Variants in TUSC3 observed in about 807,000 individuals in gnomAD.
The protein encoded by TUSC3 is tumor suppressor candidate 3.
TUSC3 carries 45 observed loss-of-function variants against 44.8 expected under a neutral mutation model. The ratio of observed to expected loss-of-function variants is 1.00; its 90% CI spans 0.79 to 1.29. The LOEUF (loss-of-function observed/expected upper bound fraction) is 1.29. Among genes scored for constraint, TUSC3 ranks in the 50% most tolerant of loss-of-function variants. The probability of loss-of-function intolerance (pLI) is 0.00; values close to 1 mark genes in which losing one functional copy is unlikely to be tolerated. For missense variants in TUSC3, 519 were observed against 437.9 expected (o/e 1.19, Z -1.65); for synonymous variants, 212 against 152.9 (o/e 1.39, Z -2.85).
chr8:15,460,969 C>G (rs979659599), intron 1 of TUSC3, among the ~76,000 whole-genome samples: 1 of 152,108 alleles, frequency 6.6e-6, no homozygotes, highest in African/African-American at 2.4e-5. Context: ...TGTGATGCCT[C>G]CAGATTTATT....
rs779340086 is a variant in TUSC3 at position 15,596,618 on chromosome 8, CTAT to C, written c.139-26455_139-26453del. On this transcript the variant is annotated intron_variant, in intron 1 of 10. Coordinates refer to ENST00000503731, the MANE Select transcript of TUSC3 (RefSeq NM_006765.4). ...TAAGTTGTAACCTTAATTTTTAACACTATTATTATGTTAATGTCTTCGTATATT... is the reference window on the plus strand; with the variant it reads ...TAAGTTGTAACCTTAATTTTTAACACTATTATGTTAATGTCTTCGTATATT... 1.5e-3 allele frequency among the ~76,000 whole-genome samples: 230 copies of C among 152,156 alleles called. 1 individual carries two copies. The highest frequency in any genetic ancestry group is 1.2e-3 in the Non-Finnish European group (83 of 68,018).
At chr8:15,510,774 A>T (rs929267096) in intron 2 of TUSC3, among the ~76,000 whole-genome samples, 2 of 62,274 alleles carry the variant, frequency 3.2e-5, no homozygotes, top group East Asian at 3.1e-4. Context: ...GATACTATTT[A>T]AAAAAAAACA....
intron 6 of TUSC3, among the ~76,000 whole-genome samples, chr8:15,716,813 C>T (rs902298751): frequency 6.6e-6 from 1 of 151,948 alleles, no homozygotes; most frequent in Non-Finnish European, 1.5e-5. Context: ...TTTAAATCAT[C>T]ACTTTTTCTC....
chr8:15,850,151 C>G, the TUSC3 span, among the ~76,000 whole-genome samples: 1 of 148,456 alleles, frequency 6.7e-6, no homozygotes, highest in South Asian at 2.2e-4. Flanking sequence ...CAAACATTAA[C>G]TCTCTGAAAT....
At chr8:15,843,602 A>AG in the TUSC3 span, among the ~76,000 whole-genome samples, 2,334 of 144,210 alleles carry the variant, frequency 0.016, 116 homozygotes, top group African/African-American at 0.057. Context: ...ACATATATAT[A>AG]TATATATATA....
intron 1 of TUSC3, among the ~76,000 whole-genome samples, chr8:15,563,192 G>T (rs1477923371): frequency 6.6e-6 from 1 of 152,106 alleles, no homozygotes; most frequent in African/African-American, 2.4e-5. Context: ...TAAAATTAAA[G>T]TGATGATAAC....
chr8:15,785,510 CCTT>C, the TUSC3 span, among the ~76,000 whole-genome samples: 2 of 150,996 alleles, frequency 1.3e-5, no homozygotes, highest in South Asian at 2.1e-4. Flanking sequence ...ACCATCCTGA[CCTT>C]CTTTGGAAAA....
downstream of TUSC3, among the ~76,000 whole-genome samples, chr8:15,771,122 C>T (rs1035952403): frequency 2.6e-5 from 4 of 152,118 alleles, no homozygotes; most frequent in African/African-American, 9.7e-5. Context: ...TAAAAGAAAC[C>T]ATCGGCCAAG....
intron 6 of TUSC3, among the ~76,000 whole-genome samples, chr8:15,711,915 A>C (rs1809869143): frequency 6.6e-6 from 1 of 151,928 alleles, no homozygotes; most frequent in Non-Finnish European, 1.5e-5. Context: ...CTATAGTTTC[A>C]GGAACTGAAA....
In TUSC3 at chr8:15,765,141, A is replaced by G. The variant is rs1026738448; in HGVS notation, c.*985A>G. 1.3e-5 allele frequency: 2 copies of G among 152,052 alleles called. No homozygotes were observed. Among genetic ancestry groups the G allele is most frequent in the South Asian group, 2.1e-4 (1 of 4,830 alleles). 9.4% of individuals were successfully genotyped at this position (152,052 alleles called of 1,614,324 possible). ...GTTTTAGTTTATAAAGCACTTTCAC[A>G]TACATTATGGTATTTCTTCCTCACA... On this transcript the variant is annotated 3_prime_UTR_variant, in exon 11 of 11. Coordinates refer to ENST00000503731, the MANE Select transcript of TUSC3 (RefSeq NM_006765.4).
chr8:15,443,746 G>A (rs1393878969), intron 1 of TUSC3, among the ~76,000 whole-genome samples: 2 of 152,100 alleles, frequency 1.3e-5, no homozygotes, highest in Admixed American at 6.5e-5. Context: ...TAGGAGTCAC[G>A]CAGCTGGGCG....
At chr8:15,777,626 A>T in the TUSC3 span, among the ~76,000 whole-genome samples, 2 of 152,306 alleles carry the variant, frequency 1.3e-5, no homozygotes, top group South Asian at 4.1e-4. Flanking sequence ...AAATTTTTGC[A>T]CGTAATTTTA....
At chr8:15,494,379 G>T (rs557925840) in intron 2 of TUSC3, among the ~76,000 whole-genome samples, 1 of 150,244 alleles carries the variant, frequency 6.7e-6, no homozygotes, top group Non-Finnish European at 1.5e-5. Flanking sequence ...GTGCAGTGGC[G>T]CGATCTCGGC....
chr8:15,425,128 G>T (rs961751317), intron 1 of TUSC3, among the ~76,000 whole-genome samples: 26 of 152,196 alleles, frequency 1.7e-4, no homozygotes, highest in African/African-American at 6.3e-4. Flanking sequence ...AAGGAAAAGT[G>T]TGATTACAAT....
intron 2 of TUSC3, among the ~76,000 whole-genome samples, chr8:15,643,744 CT>C (rs1196109075): frequency 1.3e-5 from 2 of 152,118 alleles, no homozygotes; most frequent in Non-Finnish European, 2.9e-5. Flanking sequence ...GTGAATTCAG[CT>C]GGGCCCTGAT....
At chr8:15,484,116 A>C (rs1236323455) in intron 2 of TUSC3, among the ~76,000 whole-genome samples, 1 of 152,046 alleles carries the variant, frequency 6.6e-6, no homozygotes, top group South Asian at 2.1e-4. Context: ...TGCAACCATA[A>C]ATTTTCTAAT....
chr8:15,661,903 A>G (rs1807443176), intron 4 of TUSC3, among the ~76,000 whole-genome samples: 1 of 152,044 alleles, frequency 6.6e-6, no homozygotes, highest in Non-Finnish European at 1.5e-5. Flanking sequence ...GAAAATATAA[A>G]AATAGCTGAT....
intron 6 of TUSC3, among the ~76,000 whole-genome samples, chr8:15,705,787 T>A (rs1809591813): frequency 6.6e-6 from 1 of 151,936 alleles, no homozygotes; most frequent in South Asian, 2.1e-4. Context: ...TCTGTCAGAG[T>A]TTGTAGGTAT....
intron 3 of TUSC3, among the ~76,000 whole-genome samples, chr8:15,651,307 G>A (rs1806893528): frequency 6.6e-6 from 1 of 152,068 alleles, no homozygotes; most frequent in African/African-American, 2.4e-5. Flanking sequence ...TTTATTGCAA[G>A]TTTTACTTAA....
Sources: allele counts gnomAD v4.1 joint callset (sites outside exome capture counted in the v4.1 genomes callset), GRCh38; gene constraint gnomAD v4.1.1; transcripts MANE v1.5; gene names NCBI Gene and HGNC (gene_info 2026-07-23, HGNC 2026-07-21).